Variants in CERS3 observed in about 807,000 individuals in gnomAD.
The protein encoded by CERS3 is LAG1 homolog, ceramide synthase 3.
In CERS3, 33 loss-of-function variants were observed where a neutral mutation model predicts 50.3. That is an observed-to-expected ratio of 0.66 (90% confidence interval 0.50 to 0.88). CERS3 has a LOEUF of 0.88. Ranked by LOEUF, CERS3 falls within the 40% of genes least tolerant of loss-of-function variation. CERS3 has a pLI of 0.00. For synonymous variants in CERS3, 176 were observed against 155.2 expected (o/e 1.13, Z -0.99); for missense variants, 470 against 460.3 (o/e 1.02, Z -0.19).
At chr15:100,539,746 C>T (rs1233800503) in intron 1 of CERS3, among the ~76,000 whole-genome samples, 1 of 152,188 alleles carries the variant, frequency 6.6e-6, no homozygotes, top group Non-Finnish European at 1.5e-5. Context: ...ATCAGGTAGG[C>T]TTGGTCACTC....
chr15:100,456,944 G>GA (rs3079239), intron 10 of CERS3, among the ~76,000 whole-genome samples: 104,348 of 135,930 alleles, frequency 0.77, 40,430 homozygotes, highest in Middle Eastern at 0.86. Context: ...AAGATTCCGT[G>GA]AAAAAAAAAA....
At chr15:100,461,665 C>T (rs1007299093) in intron 10 of CERS3, among the ~76,000 whole-genome samples, 1 of 152,166 alleles carries the variant, frequency 6.6e-6, no homozygotes, top group Non-Finnish European at 1.5e-5. Flanking sequence ...GAACTTACAC[C>T]AGTAACACAG....
intron 1 of CERS3, among the ~76,000 whole-genome samples, chr15:100,543,824 G>A (rs866144371): frequency 6.6e-6 from 1 of 152,124 alleles, no homozygotes; most frequent in Non-Finnish European, 1.5e-5. Flanking sequence ...GCCACCGCAC[G>A]TGGCTGTGGG....
intron 3 of CERS3, among the ~76,000 whole-genome samples, chr15:100,492,658 T>G (rs1020789357): frequency 6.6e-6 from 1 of 152,220 alleles, no homozygotes; most frequent in African/African-American, 2.4e-5. Flanking sequence ...AACTATTTTA[T>G]CTATGCCTTT....
chr15:100,443,873 TA>T (rs1044764898), intron 11 of CERS3, among the ~76,000 whole-genome samples: 1 of 152,080 alleles, frequency 6.6e-6, no homozygotes, highest in South Asian at 2.1e-4. Flanking sequence ...TTTGCCATCC[TA>T]AAAAAACCAT....
chr15:100,417,276 C>G (rs1354488630), intron 11 of CERS3, among the ~76,000 whole-genome samples: 2 of 151,856 alleles, frequency 1.3e-5, no homozygotes, highest in African/African-American at 4.8e-5. Context: ...TTGGGAAGAG[C>G]AAGGGGTCGG....
At chr15:100,455,843 C>A in intron 11 of CERS3, 50 bp downstream of exon 11, 1 of 1,303,046 alleles carries the variant, frequency 7.7e-7, no homozygotes, top group Non-Finnish European at 1.1e-6. Flanking sequence ...CGGGCCTCAC[C>A]ATTAACCTGG....
chr15:100,525,923 G>T (rs1233719475), intron 1 of CERS3, among the ~76,000 whole-genome samples: 1 of 152,118 alleles, frequency 6.6e-6, no homozygotes, highest in Non-Finnish European at 1.5e-5. Context: ...CAATCATCCT[G>T]GGTCCATCCA....
intron 11 of CERS3, among the ~76,000 whole-genome samples, chr15:100,434,871 A>G (rs1488666128): frequency 6.6e-6 from 1 of 152,244 alleles, no homozygotes; most frequent in Admixed American, 6.5e-5. Context: ...TTTCAGGATT[A>G]CATAAAAATT....
chr15:100,522,301 G>C (rs1379213278), intron 1 of CERS3, among the ~76,000 whole-genome samples: 1 of 152,160 alleles, frequency 6.6e-6, no homozygotes, highest in Admixed American at 6.5e-5. Context: ...TGAATTCCTT[G>C]GGAGAGATTT....
At chr15:100,426,789 C>G (rs1347722643) in intron 11 of CERS3, among the ~76,000 whole-genome samples, 2 of 152,200 alleles carry the variant, frequency 1.3e-5, no homozygotes, top group Non-Finnish European at 1.5e-5. Context: ...AAACTCTAGT[C>G]TCCTCCCCTT....
rs779460605 is a variant in CERS3 at position 100,467,874 on chromosome 15, G to GATAGATAGATAGAT, written c.845+1503_845+1504insATCTATCTATCTAT. Among the ~76,000 whole-genome samples the GATAGATAGATAGAT allele has an allele frequency of 4.0e-3, 182 of 46,000 alleles. 1 individual carries two copies. Among genetic ancestry groups the GATAGATAGATAGAT allele is most frequent in the African/African-American group, 7.5e-3 (144 of 19,120 alleles). The allele number at this position is 46,000 out of a possible 152,430, so 30.2% of individuals were successfully genotyped here. A position where few individuals can be genotyped will look rare whatever the true frequency, so the allele number is the denominator to read the frequency against. On this transcript the variant is annotated intron_variant, in intron 10 of 11. Transcript: ENST00000679737. ...ATATAGATAGATAGATAGATAGATA[G>GATAGATAGATAGAT]ATAGATATAGATATAGATATAGATA...
intron 11 of CERS3, among the ~76,000 whole-genome samples, chr15:100,405,156 C>G (rs1245761930): frequency 6.7e-6 from 1 of 150,290 alleles, no homozygotes; most frequent in African/African-American, 2.5e-5. Context: ...AAAGGATAAG[C>G]TGCAAACTGG....
chr15:100,423,527 C>G (rs1195863965), intron 11 of CERS3, among the ~76,000 whole-genome samples: 1 of 152,106 alleles, frequency 6.6e-6, no homozygotes, highest in African/African-American at 2.4e-5. Flanking sequence ...AGCAGAAAAC[C>G]AAGTACTGTA....
intron 1 of CERS3, among the ~76,000 whole-genome samples, chr15:100,537,734 A>G (rs1445884131): frequency 1.3e-5 from 2 of 152,220 alleles, no homozygotes; most frequent in African/African-American, 4.8e-5. Context: ...TGGGTGGGAC[A>G]ACCAAACCAT....
chr15:100,527,140 C>A (rs761758896), intron 1 of CERS3, among the ~76,000 whole-genome samples: 27 of 151,772 alleles, frequency 1.8e-4, no homozygotes, highest in Admixed American at 6.6e-5. Context: ...ACTAAAACTA[C>A]AAAAAAATTA....
chr15:100,507,632 C>A (rs1428815204), intron 2 of CERS3, among the ~76,000 whole-genome samples: 1 of 152,220 alleles, frequency 6.6e-6, no homozygotes, highest in African/African-American at 2.4e-5. Context: ...GCATCCAGCC[C>A]ACATAGTAGT....
chr15:100,532,037 G>T (rs572113240), upstream of CERS3, among the ~76,000 whole-genome samples: 1 of 151,854 alleles, frequency 6.6e-6, no homozygotes, highest in African/African-American at 2.4e-5. Context: ...CCCAGTCAAG[G>T]TTCTGGAGAG....
rs1392551498 is a variant in CERS3 at position 100,402,805 on chromosome 15, C to A, written c.1060G>T (p.Glu354Ter). 2 of 1,614,062 alleles carry A rather than the reference C, an allele frequency of 1.2e-6. No homozygotes were observed. The highest frequency in any genetic ancestry group is 2.7e-5 in the African/African-American group (2 of 75,058). ...ATCTCTTTGCCTTTGGTAGCCTCTT[C>A]TTCTTCCTCTTCCTCTTCCTCTTCA... Reference protein sequence around the residue: ...DYEEEEEEEEEEATKGKEMDC... With the variant: ...DYEEEEEEEE Residue 354 changes from glutamate to a stop codon, truncating the protein, a stop_gained, in exon 12 of 12, where the codon GAA becomes TAA. Transcript: ENST00000679737. LOFTEE classifies it high-confidence loss of function.
Sources: allele counts gnomAD v4.1 joint callset (sites outside exome capture counted in the v4.1 genomes callset), GRCh38; gene constraint gnomAD v4.1.1; transcripts MANE v1.5; gene names NCBI Gene and HGNC (gene_info 2026-07-23, HGNC 2026-07-21).